CCDC137: variants seen among roughly 807,000 people sequenced by gnomAD.
The protein encoded by CCDC137 is coiled-coil domain containing 137, also known as coiled-coil domain-containing protein 137.
Under a neutral mutation model 30.4 loss-of-function variants are expected in CCDC137, and 24 were observed. The observed-to-expected ratio is 0.79, with a 90% CI of 0.57 to 1.11. CCDC137 has a LOEUF of 1.11. Among genes scored for constraint, CCDC137 ranks in the 50% least tolerant of loss-of-function variants. The pLI is 0.00. For missense variants in CCDC137, 417 were observed against 380.4 expected (o/e 1.10, Z -0.80); for synonymous variants, 182 against 155.7 (o/e 1.17, Z -1.26).
chr17:81,670,541 G>A, intron 3 of CCDC137, 88 bp downstream of exon 3: 7 of 1,157,364 alleles, frequency 6.0e-6, no homozygotes, highest in Non-Finnish European at 8.6e-6. Flanking sequence ...CAGGTACCCT[G>A]TTTCATAGCC....
In CCDC137 at chr17:81,667,687, C is replaced by T. The variant is rs372207983; in HGVS notation, c.135-42C>T. 4.3e-4 allele frequency: 690 copies of T among 1,607,308 alleles called. 1 individual carries two copies. Among genetic ancestry groups the T allele is most frequent in the Non-Finnish European group, 5.0e-4 (590 of 1,177,356 alleles). On this transcript the variant is annotated intron_variant, in intron 1 of 5. Transcript: ENST00000329214. ...GTTTCTCTTACTGATTCTGCTTGTG[C>T]TTTACTTGGGACGGGTCTCACCCCC...
In CCDC137 at chr17:81,672,096, G is replaced by A. The variant is rs780635957; in HGVS notation, c.601G>A (p.Val201Ile). Residue 201 changes from valine to isoleucine, a missense_variant, in exon 5 of 6, where the codon GTT becomes ATT. Coordinates refer to ENST00000329214, the MANE Select transcript of CCDC137 (RefSeq NM_199287.3). ...LLRDTVKFGE[V>I]VLQPPELTAR... ...TCCAGACACGGTGAAGTTTGGTGAG[G>A]TTGTCCTGCAGCCCCCAGAGCTGAC... is the stretch of plus-strand genomic sequence containing the variant. 1.2e-6 allele frequency: 2 copies of A among 1,614,112 alleles called. No homozygotes were observed. Among genetic ancestry groups the A allele is most frequent in the South Asian group, 2.2e-5 (2 of 91,086 alleles).
chr17:81,672,006 G>GT (rs1485301932), intron 4 of CCDC137, 70 bp from the exon 5 acceptor site: 2 of 1,564,318 alleles, frequency 1.3e-6, no homozygotes, highest in African/African-American at 2.7e-5. Flanking sequence ...AGGTGGGCGG[G>GT]TGGTGGCTCT....
At chr17:81,669,872 G>A (rs2036697481) in intron 2 of CCDC137, 2 of 229,164 alleles carry the variant, frequency 8.7e-6, no homozygotes, top group Non-Finnish European at 1.7e-5. Context: ...GTCTGCCCAC[G>A]TTTCTCTGTG....
rs199510480 is a variant in CCDC137, at chr17:81,667,881, T to C, written c.268+19T>C. 1.2e-6 allele frequency: 2 copies of C among 1,607,378 alleles called. No individual in the cohort carries two copies. Among genetic ancestry groups the C allele is most frequent in the African/African-American group, 2.7e-5 (2 of 74,660 alleles). On this transcript the variant is annotated intron_variant, in intron 2 of 5. Transcript: ENST00000329214. ...AAAGCAGGTGTGTGCAGGCCCATACTGGGCGGCAGTGAAGCTTTGTGTGTC... is the reference window on the plus strand; with the variant it reads ...AAAGCAGGTGTGTGCAGGCCCATACCGGGCGGCAGTGAAGCTTTGTGTGTC...
chr17:81,666,774 G>A lies in CCDC137; in HGVS notation c.8G>A (p.Gly3Glu). The change falls in exon 1 of 6, where the codon GGA (glycine) becomes GAA (glutamate). Residue 3 changes from glycine to glutamate, a missense_variant. Gly to Glu is a moderately conservative substitution (Grantham distance 98, BLOSUM62 -2). Transcript: ENST00000329214. ...GAGCCTCCCGGCGTGGAGATGGCGG[G>A]AGCTGGTCGCGGAGCAGCGGTGTCC... is the stretch of plus-strand genomic sequence containing the variant. Reference protein sequence around the residue: MAGAGRGAAVSRV... With the variant: MAEAGRGAAVSRV... 1 of 1,469,508 alleles carries A rather than the reference G, an allele frequency of 6.8e-7. No homozygotes were observed. The allele number at this position is 1,469,508 out of a possible 1,614,324, so 91.0% of individuals were successfully genotyped here. A position where few individuals can be genotyped will look rare whatever the true frequency, so the allele number is the denominator to read the frequency against.
At chr17:81,671,068 G>A (rs556872256) in intron 3 of CCDC137, among the ~76,000 whole-genome samples, 33 of 151,810 alleles carry the variant, frequency 2.2e-4, no homozygotes, top group African/African-American at 7.7e-4. Flanking sequence ...GGAGGCAGAG[G>A]TTGCAGTGAG....
rs527515702 is a variant in CCDC137, at chr17:81,670,311, G to C, written c.355G>C (p.Gly119Arg). The C allele has an allele frequency of 5.6e-5, 91 of 1,613,908 alleles. 1 individual carries two copies. In the South Asian group the frequency reaches 8.6e-4, roughly 15 times the overall value. ...IAVPKFKQRK[G>R]ESDGAYIHRM... ...AGTCCCCAAGTTCAAACAGAGGAAGGGGGAGTCTGACGGGGCCTATATCCA... is the reference window on the plus strand; with the variant it reads ...AGTCCCCAAGTTCAAACAGAGGAAGCGGGAGTCTGACGGGGCCTATATCCA... The change falls in exon 3 of 6, where the codon GGG becomes CGG. Residue 119 changes from glycine to arginine, a missense_variant. Physicochemically the swap from Gly to Arg is moderately radical, Grantham distance 125. Transcript: ENST00000329214.
At chr17:81,668,540 A>T (rs1321726538) in intron 2 of CCDC137, among the ~76,000 whole-genome samples, 2 of 152,118 alleles carry the variant, frequency 1.3e-5, no homozygotes, top group Non-Finnish European at 2.9e-5. Flanking sequence ...GCTGTTTTAT[A>T]ATTTGTGTAT....
rs200920452 is a variant in CCDC137, at chr17:81,670,339, G to A, written c.383G>A (p.Arg128His). Residue 128 changes from arginine (R) to histidine (H), a missense_variant, in exon 3 of 6, where the codon CGC (arginine) becomes CAC (histidine). Transcript: ENST00000329214. ...GAGTCTGACGGGGCCTATATCCACC[G>A]CATGCAGCAAGAGGCCCAGCATGTG... ...KGESDGAYIHRMQQEAQHVLF... is the reference protein window; with the variant it reads ...KGESDGAYIHHMQQEAQHVLF... The A allele has an allele frequency of 1.1e-5, 17 of 1,613,842 alleles. No individual in the cohort carries two copies. The highest frequency in any genetic ancestry group is 6.7e-5 in the East Asian group (3 of 44,896).
At chr17:81,672,294 C>A in intron 5 of CCDC137, 139 bp downstream of exon 5, 1 of 998,788 alleles carries the variant, frequency 1.0e-6, no homozygotes, top group Non-Finnish European at 1.5e-6. Flanking sequence ...TGCTTGAGCC[C>A]AGGAGTTGAT....
At position 81,672,423 on chromosome 17, in the gene CCDC137, T is replaced by C. The variant is rs1005490746; in HGVS notation, c.661-72T>C. The C allele has an allele frequency of 1.5e-5, 21 of 1,413,734 alleles. No individual in the cohort carries two copies. In the African/African-American group the frequency reaches 2.6e-4, roughly 17 times the overall value. The allele number at this position is 1,413,734 out of a possible 1,614,324, so 87.6% of individuals were successfully genotyped here. On this transcript the variant is annotated intron_variant, in intron 5 of 5. Transcript: ENST00000329214. ...GTGTTCTCGCTGGCGGGAGAGCTGT[T>C]GAAGCTGTGAGGCTTTCTGTTGCAT...
rs928796913 is a variant in CCDC137 at position 81,666,742 on chromosome 17, C to G, written c.-25C>G. The G allele has an allele frequency of 6.9e-7, 1 of 1,447,050 alleles. No homozygotes were observed. The highest frequency in any genetic ancestry group is 9.1e-7 in the Non-Finnish European group (1 of 1,104,492). The allele number at this position is 1,447,050 out of a possible 1,614,324, so 89.6% of individuals were successfully genotyped here. A position where few individuals can be genotyped will look rare whatever the true frequency, so the allele number is the denominator to read the frequency against. ...CCATGCAGGAAGGCGGAAGTGGCTT[C>G]GCTAGGGAGCCTCCCGGCGTGGAGA... is the stretch of plus-strand genomic sequence containing the variant. On this transcript the variant is annotated 5_prime_UTR_variant, in exon 1 of 6. Coordinates refer to ENST00000329214, the MANE Select transcript of CCDC137 (RefSeq NM_199287.3).
At chr17:81,672,055 A>C (rs764346327) in intron 4 of CCDC137, 21 bp from the exon 5 acceptor site, 3 of 1,613,572 alleles carry the variant, frequency 1.9e-6, no homozygotes, top group Non-Finnish European at 2.5e-6. Flanking sequence ...AGCAGTCCTC[A>C]GTTGTATTCT....
At position 81,671,802 on chromosome 17, in the gene CCDC137, A is replaced by G. The variant is rs1483365723; in HGVS notation, c.556A>G (p.Arg186Gly). The change falls in exon 4 of 6, where the codon AGG becomes GGG. Residue 186 changes from arginine to glycine, a missense_variant. Physicochemically the swap from Arg to Gly is moderately radical, Grantham distance 125 (BLOSUM62 -2). Coordinates refer to ENST00000329214, the MANE Select transcript of CCDC137 (RefSeq NM_199287.3). ...RRKKEEKAADRLEQELLRDTV... is the reference protein window; with the variant it reads ...RRKKEEKAADGLEQELLRDTV... ...GAAAAAGGAGGAAAAGGCGGCAGAC[A>G]GGCTGGAGCAGGAGTTGCTCCGAGG... The G allele has an allele frequency of 6.2e-7, 1 of 1,613,428 alleles. No individual in the cohort carries two copies. The highest frequency in any genetic ancestry group is 8.5e-7 in the Non-Finnish European group (1 of 1,179,876).
chr17:81,671,411 G>A (rs1253669906), intron 3 of CCDC137, among the ~76,000 whole-genome samples: 1 of 152,196 alleles, frequency 6.6e-6, no homozygotes, highest in Non-Finnish European at 1.5e-5. Context: ...TCTCTGTTGG[G>A]TGGTCTTTGG....
intron 2 of CCDC137, among the ~76,000 whole-genome samples, 185 bp downstream of exon 2, chr17:81,668,047 G>T (rs1320009571): frequency 6.6e-6 from 1 of 152,170 alleles, no homozygotes; most frequent in Non-Finnish European, 1.5e-5. Context: ...TCCAGACGAG[G>T]CTTGGAAGGA....
At chr17:81,670,587 G>A in intron 3 of CCDC137, 134 bp downstream of exon 3, 1 of 766,190 alleles carries the variant, frequency 1.3e-6, no homozygotes, top group South Asian at 1.8e-5. Context: ...CCAAGCCAGA[G>A]CCCTGGGAGT....
At position 81,670,212 on chromosome 17, in the gene CCDC137, C is replaced by T. The variant is rs1598733500; in HGVS notation, c.269-13C>T. The T allele has an allele frequency of 1.9e-6, 3 of 1,608,748 alleles. No individual in the cohort carries two copies. Among genetic ancestry groups the T allele is most frequent in the South Asian group, 2.2e-5 (2 of 90,618 alleles). ...TGCCTCCTGCCTCCTCTGAGGCCTC[C>T]CTTTGTCCTCAGCCCAGGTGACCTT... On this transcript the variant is annotated splice_polypyrimidine_tract_variant and intron_variant, in intron 2 of 5. Transcript: ENST00000329214.
Sources: allele counts gnomAD v4.1 joint callset (sites outside exome capture counted in the v4.1 genomes callset), GRCh38; gene constraint gnomAD v4.1.1; transcripts MANE v1.5; gene names NCBI Gene and HGNC (gene_info 2026-07-23, HGNC 2026-07-21).